Variants in UGP2 observed in about 807,000 individuals in gnomAD.
UGP2 encodes UTP--glucose-1-phosphate uridylyltransferase.
In UGP2, 40 loss-of-function variants were observed where a neutral mutation model predicts 49.0. That is an observed-to-expected ratio of 0.82 (90% confidence interval 0.63 to 1.06). The LOEUF (loss-of-function observed/expected upper bound fraction) is 1.06, where lower values mean the gene tolerates loss of function less well. Ranked by LOEUF, UGP2 falls within the 50% of genes least tolerant of loss-of-function variation. The pLI is 0.00. For synonymous variants in UGP2, 225 were observed against 213.0 expected (o/e 1.06, Z -0.49); for missense variants, 460 against 603.5 (o/e 0.76, Z 2.49).
At position 63,887,652 on chromosome 2, in the gene UGP2, A is replaced by C. The variant is rs761241588; in HGVS notation, c.1314+8A>C. On this transcript the variant is annotated splice_region_variant and intron_variant, in intron 8 of 9. Coordinates refer to ENST00000337130, the MANE Select transcript of UGP2 (RefSeq NM_006759.4). ...GGCAGTTCTTTTACGAAGGTACGTA[A>C]CTATAAAGATATGTGAGTTCATATT... 6.8e-6 allele frequency: 11 copies of C among 1,613,462 alleles called. No homozygotes were observed. The highest frequency in any genetic ancestry group is 9.3e-6 in the Non-Finnish European group (11 of 1,179,660).
At position 63,844,636 on chromosome 2, in the gene UGP2, A is replaced by G. The variant is rs901545296; in HGVS notation, c.19+2432A>G. Among the ~76,000 whole-genome samples the G allele has an allele frequency of 5.9e-5, 9 of 152,194 alleles. No individual in the cohort carries two copies. In the South Asian group the frequency reaches 6.2e-4, roughly 11 times the overall value. On this transcript the variant is annotated intron_variant, in intron 1 of 9. Coordinates refer to ENST00000337130, the MANE Select transcript of UGP2 (RefSeq NM_006759.4). The stretch of plus-strand genomic sequence containing the variant: ...GAGTGCAGTGGTGCGATCACAGCTC[A>G]CTGCAGCCTTGATCTCCTTGGCTTA...
At chr2:63,853,172 A>G (rs933477010) in intron 1 of UGP2, among the ~76,000 whole-genome samples, 1 of 152,162 alleles carries the variant, frequency 6.6e-6, no homozygotes, top group Non-Finnish European at 1.5e-5. Context: ...GAAAAGATAT[A>G]GGATACACTT....
rs182831635 is a variant in UGP2 at position 63,860,059 on chromosome 2, T to C, written c.255+2123T>C. On this transcript the variant is annotated intron_variant, in intron 3 of 9. Coordinates refer to ENST00000337130, the MANE Select transcript of UGP2 (RefSeq NM_006759.4). ...TTCTCTTTCCCATAGGTTTCCTTTC[T>C]CAGGTCTTAGAGATTATTATAGAGA... Among the ~76,000 whole-genome samples the C allele has an allele frequency of 1.1e-4, 16 of 152,328 alleles. No individual in the cohort carries two copies. In the East Asian group the frequency reaches 2.5e-3, roughly 24 times the overall value.
intron 3 of UGP2, among the ~76,000 whole-genome samples, chr2:63,863,167 G>C (rs180885344): frequency 1.3e-5 from 2 of 152,100 alleles, no homozygotes; most frequent in East Asian, 3.8e-4. Context: ...TAAACCATCT[G>C]TGTATCACTT....
chr2:63,864,195 T>C (rs948285105), intron 3 of UGP2, among the ~76,000 whole-genome samples: 1 of 152,224 alleles, frequency 6.6e-6, no homozygotes, highest in African/African-American at 2.4e-5. Flanking sequence ...TTTCATTTAA[T>C]ATTCATAACA....
In UGP2 at chr2:63,885,792, A is replaced by T; in HGVS notation, c.779A>T (p.Asp260Val). 1 of 1,613,692 alleles carries T rather than the reference A, an allele frequency of 6.2e-7. No individual in the cohort carries two copies. The highest frequency in any genetic ancestry group is 8.5e-7 in the Non-Finnish European group (1 of 1,179,862). ...SNIDNLGATVDLYILNHLMNP... is the reference protein window; with the variant it reads ...SNIDNLGATVVLYILNHLMNP... ...ATAGATAATCTGGGTGCCACAGTGGATCTGTATATTCTTAATCATCTAATG... is the reference window on the plus strand; with the variant it reads ...ATAGATAATCTGGGTGCCACAGTGGTTCTGTATATTCTTAATCATCTAATG... Residue 260 changes from aspartate (D) to valine (V), a missense_variant, in exon 6 of 10, where the codon GAT becomes GTT. This residue lies in a region of UGP2 where 317 missense variants were observed against 473.0 expected (regional missense o/e 0.67). Coordinates refer to ENST00000337130, the MANE Select transcript of UGP2 (RefSeq NM_006759.4).
At chr2:63,883,706 C>G (rs536025030) in intron 4 of UGP2, among the ~76,000 whole-genome samples, 1 of 152,250 alleles carries the variant, frequency 6.6e-6, no homozygotes, top group South Asian at 2.1e-4. Flanking sequence ...CTATCTGGGC[C>G]TTAGTTTAGA....
At position 63,841,995 on chromosome 2, in the gene UGP2, T is replaced by C. The variant is rs368510722; in HGVS notation, c.-191T>C. The C allele has an allele frequency of 1.6e-6, 1 of 639,680 alleles. No individual in the cohort carries two copies. The highest frequency in any genetic ancestry group is 2.3e-6 in the Non-Finnish European group (1 of 427,704). 39.6% of individuals were successfully genotyped at this position (639,680 alleles called of 1,614,324 possible). A position where few individuals can be genotyped will look rare whatever the true frequency, so the allele number is the denominator to read the frequency against. Reference sequence around the variant, plus strand: ...CGTCTTTTGGAATTGGGGAAGGAGTTTCTTTCTTTCTTTTCTTTTTTCTTG... The same window carrying C: ...CGTCTTTTGGAATTGGGGAAGGAGTCTCTTTCTTTCTTTTCTTTTTTCTTG... On this transcript the variant is annotated 5_prime_UTR_variant, in exon 1 of 10. Coordinates refer to ENST00000337130, the MANE Select transcript of UGP2 (RefSeq NM_006759.4).
Position 63,890,061 on chromosome 2 carries a change from T to G in UGP2, c.1315-20T>G. On this transcript the variant is annotated intron_variant, in intron 8 of 9. Coordinates refer to ENST00000337130, the MANE Select transcript of UGP2 (RefSeq NM_006759.4). ...TGAACCCATTTGAGACAAATTTTTATGTTTCTCCTTTTCTGTAAGGTTCAA... is the reference window on the plus strand; with the variant it reads ...TGAACCCATTTGAGACAAATTTTTAGGTTTCTCCTTTTCTGTAAGGTTCAA... The G allele has an allele frequency of 6.4e-7, 1 of 1,569,582 alleles. No individual in the cohort carries two copies. Among genetic ancestry groups the G allele is most frequent in the Non-Finnish European group, 8.7e-7 (1 of 1,151,864 alleles).
At chr2:63,887,730 TAC>T (rs1260755332) in intron 8 of UGP2, 86 bp downstream of exon 8, 4 of 1,500,894 alleles carry the variant, frequency 2.7e-6, no homozygotes, top group Non-Finnish European at 3.6e-6. Flanking sequence ...GGAGACTAAT[TAC>T]AGTCTCTACC....
intron 3 of UGP2, among the ~76,000 whole-genome samples, chr2:63,870,974 C>G (rs1002232507): frequency 6.6e-6 from 1 of 152,074 alleles, no homozygotes; most frequent in African/African-American, 2.4e-5. Context: ...TTCTTGAACT[C>G]CTTGATGGGG....
chr2:63,843,669 A>G (rs1476397638), intron 1 of UGP2, among the ~76,000 whole-genome samples: 1 of 152,190 alleles, frequency 6.6e-6, no homozygotes, highest in Non-Finnish European at 1.5e-5. Flanking sequence ...GTTGCTGTGT[A>G]TGTTTGTCAT....
intron 4 of UGP2, among the ~76,000 whole-genome samples, chr2:63,883,028 A>G (rs1671419655): frequency 6.6e-6 from 1 of 152,298 alleles, no homozygotes; most frequent in Admixed American, 6.5e-5. Context: ...CAGGTCATGC[A>G]TGCTAAGAAC....
Position 63,886,731 on chromosome 2 carries a change from C to T in UGP2, c.1071+193C>T, listed in dbSNP as rs189861581. On this transcript the variant is annotated intron_variant, in intron 7 of 9. Coordinates refer to ENST00000337130, the MANE Select transcript of UGP2 (RefSeq NM_006759.4). Reference sequence around the variant, plus strand: ...CTCTAGTGTGCCAAGTTATGGTGCCCTATATTTGACCCTGGGTTGTGGTAG... The same window carrying T: ...CTCTAGTGTGCCAAGTTATGGTGCCTTATATTTGACCCTGGGTTGTGGTAG... 3.8e-3 allele frequency among the ~76,000 whole-genome samples: 583 copies of T among 152,248 alleles called. 3 individuals carry two copies. The highest frequency in any genetic ancestry group is 0.02 in the Middle Eastern group (6 of 294).
In UGP2 at chr2:63,890,882, C is replaced by T. The variant is rs562777677; in HGVS notation, c.1420-238C>T. Among the ~76,000 whole-genome samples, 92 of 152,282 alleles carry T rather than the reference C, an allele frequency of 6.0e-4. 1 individual carries two copies. Among genetic ancestry groups the T allele is most frequent in the African/African-American group, 2.0e-3 (85 of 41,556 alleles). ...ATGCTGTGGCACCGGGTCCACTTCCCGCTCTTAGTTCTACCTCTAACAAGG... is the reference window on the plus strand; with the variant it reads ...ATGCTGTGGCACCGGGTCCACTTCCTGCTCTTAGTTCTACCTCTAACAAGG... On this transcript the variant is annotated intron_variant, in intron 9 of 9. Coordinates refer to ENST00000337130, the MANE Select transcript of UGP2 (RefSeq NM_006759.4).
At chr2:63,871,403 A>G (rs1227242164) in intron 3 of UGP2, among the ~76,000 whole-genome samples, 3 of 152,052 alleles carry the variant, frequency 2.0e-5, no homozygotes, top group Admixed American at 1.3e-4. Context: ...TTCCTGCCTC[A>G]GCCTCCTGAG....
intron 3 of UGP2, chr2:63,859,069 A>G (rs1484546881): frequency 1.3e-5 from 2 of 151,026 alleles, no homozygotes; most frequent in Admixed American, 6.6e-5. Context: ...ATCAAGGCTC[A>G]TTGCAGCCTC....
At chr2:63,866,796 G>T (rs1379761429) in intron 3 of UGP2, among the ~76,000 whole-genome samples, 1 of 152,162 alleles carries the variant, frequency 6.6e-6, no homozygotes, top group Non-Finnish European at 1.5e-5. Flanking sequence ...GAAATAAGAT[G>T]CTGGAAAACA....
In UGP2 at chr2:63,886,506, G is replaced by A; in HGVS notation, c.1039G>A (p.Ala347Thr). 6.2e-7 allele frequency: 1 copy of A among 1,614,160 alleles called. No homozygotes were observed. Among genetic ancestry groups the A allele is most frequent in the Admixed American group, 1.7e-5 (1 of 60,016 alleles). ...AGTTAAAAGACTGCAGGAGCAAAAT[G>A]CCATTGACATGGAAATCATTGTGAA... Reference protein sequence around the residue: ...AAVKRLQEQNAIDMEIIVNAK... With the variant: ...AAVKRLQEQNTIDMEIIVNAK... The change falls in exon 7 of 10, where the codon GCC (alanine) becomes ACC (threonine). Residue 347 changes from alanine to threonine, a missense_variant. By Grantham distance (58) the Ala-to-Thr change is moderately conservative. Transcript: ENST00000337130.
Sources: allele counts gnomAD v4.1 joint callset (sites outside exome capture counted in the v4.1 genomes callset), GRCh38; gene constraint gnomAD v4.1.1; regional missense constraint gnomAD v4.1.1; transcripts MANE v1.5; gene names NCBI Gene and HGNC (gene_info 2026-07-23, HGNC 2026-07-21).